Variants in FUNDC1 observed in about 807,000 individuals in gnomAD.
FUNDC1 encodes the protein FUN14 domain containing 1, also known as FUN14 domain-containing protein 1.
FUNDC1 carries 10 observed loss-of-function variants against 14.5 expected under a neutral mutation model. The observed-to-expected ratio is 0.69, with a 90% confidence interval of 0.43 to 1.17. The LOEUF (loss-of-function observed/expected upper bound fraction) is 1.17. Ranked by LOEUF, FUNDC1 falls within the 50% of genes most tolerant of loss-of-function variation. FUNDC1 has a pLI of 0.00. For missense variants in FUNDC1, 115 were observed against 113.8 expected, an observed-to-expected ratio of 1.01 and a Z score of -0.05; for synonymous variants, 33 against 39.7, an observed-to-expected ratio of 0.83 and a Z score of 0.64.
intron 4 of FUNDC1, among the ~76,000 whole-genome samples, chrX:44,525,762 T>C (rs979453057): frequency 9.1e-6 from 1 of 110,219 alleles, no homozygotes; most frequent in Admixed American, 9.7e-5. Flanking sequence ...GGAGGATCAC[T>C]TGAGCCCAGG....
chrX:44,540,414 T>TGTGTGTG, intron 2 of FUNDC1, among the ~76,000 whole-genome samples: 1 of 96,670 alleles, frequency 1.0e-5, no homozygotes, highest in Non-Finnish European at 2.1e-5. Flanking sequence ...AATGTGTGTG[T>TGTGTGTG]TGTGTGTGTG....
At chrX:44,531,339 C>A (rs1432964185) in intron 3 of FUNDC1, among the ~76,000 whole-genome samples, 1 of 75,907 alleles carries the variant, frequency 1.3e-5, no homozygotes, top group African/African-American at 9.0e-5. Context: ...CACACACACA[C>A]ACACACACAC....
intron 3 of FUNDC1, among the ~76,000 whole-genome samples, chrX:44,532,543 G>A (rs191850877): frequency 9.6e-6 from 1 of 104,064 alleles, no homozygotes; most frequent in Non-Finnish European, 1.9e-5. Context: ...GTGTGTGTGT[G>A]TATATATATA....
At chrX:44,531,312 C>CACACACACACACACACACACACACA (rs1477318576) in intron 3 of FUNDC1, among the ~76,000 whole-genome samples, 1 of 22,797 alleles carries the variant, frequency 4.4e-5, no homozygotes, top group Non-Finnish European at 6.3e-5. Flanking sequence ...TTCATGTTGG[C>CACACACACACACACACACACACACA]CAGACACACA....
At chrX:44,541,309 G>A (rs2038970548) in intron 2 of FUNDC1, among the ~76,000 whole-genome samples, 1 of 111,951 alleles carries the variant, frequency 8.9e-6, no homozygotes, top group Admixed American at 9.5e-5. Flanking sequence ...GTGTTATCAC[G>A]TGGTCTGAAA....
chrX:44,533,515 C>G (rs1486850118), intron 3 of FUNDC1, among the ~76,000 whole-genome samples: 1 of 106,144 alleles, frequency 9.4e-6, no homozygotes, highest in Non-Finnish European at 1.9e-5. Flanking sequence ...GTAGTCCCAG[C>G]TACTCGGGAG....
In FUNDC1 at chrX:44,527,137, A is replaced by G. The variant is rs2038905608; in HGVS notation, c.390+100T>C. 4.9e-6 allele frequency: 3 copies of G among 607,617 alleles called. No homozygotes were observed. In the East Asian group the frequency reaches 1.1e-4, roughly 23 times the overall value. The allele number at this position is 607,617 out of a possible 1,213,427, so 50.1% of individuals were successfully genotyped here. A position where few individuals can be genotyped will look rare whatever the true frequency, so the allele number is the denominator to read the frequency against. ...TATAACCAAAAACACCATTTTTAAA[A>G]AAGACAGTAATCCCCCCCGGTCACA... On this transcript the variant is annotated intron_variant, in intron 4 of 4. Coordinates refer to ENST00000378045, the MANE Select transcript of FUNDC1 (RefSeq NM_173794.4).
chrX:44,534,416 GAA>G (rs1351756523), intron 3 of FUNDC1, among the ~76,000 whole-genome samples: 4 of 110,490 alleles, frequency 3.6e-5, no homozygotes, highest in African/African-American at 9.8e-5. Flanking sequence ...TGGAACTACA[GAA>G]AAAAAGATGG....
intron 1 of FUNDC1, 70 bp downstream of exon 1, chrX:44,542,735 G>A (rs1016261472): frequency 2.1e-5 from 21 of 1,018,083 alleles, no homozygotes; most frequent in Non-Finnish European, 2.4e-5. Context: ...GGAAGGAAGA[G>A]GTGCCATAGG....
intron 4 of FUNDC1, among the ~76,000 whole-genome samples, chrX:44,526,288 G>A (rs2038901721): frequency 1.8e-5 from 2 of 110,254 alleles, no homozygotes; most frequent in South Asian, 7.7e-4. Flanking sequence ...AAATTAGCTG[G>A]GAGAGGTGGC....
intron 3 of FUNDC1, among the ~76,000 whole-genome samples, chrX:44,527,785 T>C (rs527833212): frequency 3.6e-5 from 4 of 112,131 alleles, no homozygotes; most frequent in Non-Finnish European, 5.6e-5. Context: ...AATTTAAAAA[T>C]ACTTTTTAAT....
At chrX:44,540,261 T>C (rs56076153) in intron 2 of FUNDC1, among the ~76,000 whole-genome samples, 5,186 of 111,482 alleles carry the variant, frequency 0.047, 133 homozygotes, top group Non-Finnish European at 0.075. Flanking sequence ...CTCCTTAATA[T>C]ACACCATAAT....
intron 4 of FUNDC1, 39 bp downstream of exon 4, chrX:44,527,198 G>GA (rs762914655): frequency 0.14 from 102,084 of 740,197 alleles, no homozygotes; most frequent in Non-Finnish European, 0.15. Flanking sequence ...CCAAAAAAAG[G>GA]AAAAAAAAAA....
At chrX:44,536,117 G>T (rs1450554810) in intron 3 of FUNDC1, among the ~76,000 whole-genome samples, 1 of 109,890 alleles carries the variant, frequency 9.1e-6, no homozygotes, top group Non-Finnish European at 1.9e-5. Flanking sequence ...TTCTAGACCA[G>T]CCTGGCCAAG....
At chrX:44,524,402 G>A in intron 4 of FUNDC1, 127 bp from the exon 5 acceptor site, 1 of 476,750 alleles carries the variant, frequency 2.1e-6, no homozygotes. Context: ...GCTCGTATGA[G>A]TAGTCAGAAA....
Position 44,527,217 on chromosome X carries a change from A to T in FUNDC1, c.390+20T>A. The stretch of plus-strand genomic sequence containing the variant: ...AAAAAGGAAAAAAAAAAAAAAAGTC[A>T]AAATTATATATCATCTTACTTCTTC... On this transcript the variant is annotated intron_variant, in intron 4 of 4. Transcript: ENST00000378045. 1.8e-6 allele frequency: 2 copies of T among 1,135,162 alleles called. No individual in the cohort carries two copies. Among genetic ancestry groups the T allele is most frequent in the African/African-American group, 3.7e-5 (2 of 54,293 alleles). 93.6% of individuals were successfully genotyped at this position (1,135,162 alleles called of 1,213,427 possible).
chrX:44,523,965 A>G lies in FUNDC1; in HGVS notation c.*233T>C. ...ATGCAAATTTTTACAAAGCGATGAA[A>G]GCCACGTTTTGCTCAGGAATACTAC... On this transcript the variant is annotated 3_prime_UTR_variant, in exon 5 of 5. Coordinates refer to ENST00000378045, the MANE Select transcript of FUNDC1 (RefSeq NM_173794.4). The G allele has an allele frequency of 6.3e-6, 2 of 315,169 alleles. No individual in the cohort carries two copies. Among genetic ancestry groups the G allele is most frequent in the East Asian group, 9.7e-5 (2 of 20,685 alleles). 26.0% of individuals were successfully genotyped at this position (315,169 alleles called of 1,213,427 possible).
intron 3 of FUNDC1, among the ~76,000 whole-genome samples, chrX:44,533,991 G>C (rs2038937604): frequency 9.2e-6 from 1 of 108,331 alleles, no homozygotes; most frequent in South Asian, 4.1e-4. Context: ...CCTGAGCCCG[G>C]GAGGTCAAGG....
intron 3 of FUNDC1, 145 bp downstream of exon 3, chrX:44,538,322 A>C (rs1157672162): frequency 1.1e-5 from 5 of 466,661 alleles, no homozygotes; most frequent in Non-Finnish European, 1.9e-5. Context: ...AACTATGCTT[A>C]ATAACTCAGA....
Sources: gnomAD v4.1 joint callset for allele counts (sites outside exome capture counted in the v4.1 genomes callset) on GRCh38, gnomAD v4.1.1 for gene constraint, MANE v1.5 for transcripts, NCBI Gene and HGNC (gene_info 2026-07-23, HGNC 2026-07-21) for gene names.